The following TANGO6 variants were observed in gnomAD, a reference collection of about 807,000 sequenced individuals.
The protein encoded by TANGO6 is transport and Golgi organization protein 6 homolog.
TANGO6 carries 90 observed loss-of-function variants against 114.2 expected under a neutral mutation model. The observed-to-expected ratio is 0.79, with a 90% CI of 0.66 to 0.94. The LOEUF is 0.94. TANGO6 is among the 40% of genes least tolerant of loss of function. TANGO6 has a pLI of 0.00. For synonymous variants in TANGO6, 477 were observed against 509.8 expected (o/e 0.94, Z 0.87); for missense variants, 1,274 against 1,315.3 (o/e 0.97, Z 0.49).
intron 14 of TANGO6, among the ~76,000 whole-genome samples, chr16:68,970,420 C>A (rs976948620): frequency 1.3e-5 from 2 of 152,146 alleles, no homozygotes; most frequent in Non-Finnish European, 2.9e-5. Flanking sequence ...TTAATCCCAG[C>A]ACTTTGGGAG....
intron 17 of TANGO6, among the ~76,000 whole-genome samples, chr16:69,064,049 C>T (rs1012163037): frequency 6.6e-6 from 1 of 151,922 alleles, no homozygotes; most frequent in African/African-American, 2.4e-5. Context: ...GTTGGCCAGG[C>T]TGGTCTCAAA....
intron 14 of TANGO6, among the ~76,000 whole-genome samples, chr16:68,958,680 C>T (rs1469404219): frequency 6.6e-6 from 1 of 152,042 alleles, no homozygotes; most frequent in Non-Finnish European, 1.5e-5. Context: ...ACCTGTGATC[C>T]CAGCACTGTG....
At chr16:68,873,309 TTTTG>T (rs950399774) in intron 4 of TANGO6, among the ~76,000 whole-genome samples, 37 of 152,186 alleles carry the variant, frequency 2.4e-4, no homozygotes, top group Middle Eastern at 6.8e-3. Context: ...TATTCATGTT[TTTTG>T]TTTGTTTGTT....
intron 9 of TANGO6, among the ~76,000 whole-genome samples, chr16:68,907,164 G>A (rs1282797802): frequency 2.7e-5 from 4 of 147,760 alleles, no homozygotes; most frequent in African/African-American, 1.0e-4. Context: ...AGCCAGGATG[G>A]TTTTTGTCTC....
At chr16:68,870,407 C>G (rs1190219092) in intron 4 of TANGO6, among the ~76,000 whole-genome samples, 1 of 152,188 alleles carries the variant, frequency 6.6e-6, no homozygotes, top group Non-Finnish European at 1.5e-5. Flanking sequence ...TGCCTCCCCT[C>G]AGTTCTCCCC....
intron 4 of TANGO6, 100 bp downstream of exon 4, chr16:68,867,320 C>A: frequency 6.8e-7 from 1 of 1,472,936 alleles, no homozygotes; most frequent in Non-Finnish European, 9.3e-7. Flanking sequence ...TAAAACCTGA[C>A]TGAAACTAAA....
chr16:69,074,464 G>A (rs191928907), intron 17 of TANGO6, among the ~76,000 whole-genome samples: 8 of 152,158 alleles, frequency 5.3e-5, no homozygotes, highest in Middle Eastern at 3.4e-3. Flanking sequence ...GAAAGAGGAG[G>A]AACGTGTCCA....
intron 15 of TANGO6, among the ~76,000 whole-genome samples, chr16:68,992,100 C>T (rs1243932806): frequency 6.6e-6 from 1 of 151,882 alleles, no homozygotes; most frequent in Admixed American, 6.6e-5. Context: ...TATATGAAAT[C>T]GCTTATAAAT....
intron 11 of TANGO6, among the ~76,000 whole-genome samples, chr16:68,917,455 T>C (rs1963022031): frequency 6.6e-6 from 1 of 152,182 alleles, no homozygotes. Context: ...GGTGAAAGTA[T>C]GTTTAGTTTT....
In TANGO6 at chr16:68,902,500, A is replaced by G. The variant is rs745908855; in HGVS notation, c.1663A>G (p.Ile555Val). 1 of 1,609,244 alleles carries G rather than the reference A, an allele frequency of 6.2e-7. No homozygotes were observed. Among genetic ancestry groups the G allele is most frequent in the South Asian group, 1.1e-5 (1 of 90,184 alleles). ...GGIMITIKEA[I>V]SDEDEDEALY... Reference sequence around the variant, plus strand: ...CATTATGATTACCATCAAAGAGGCCATTAGGTGAGTCCACCCATCCGTTAC... The same window carrying G: ...CATTATGATTACCATCAAAGAGGCCGTTAGGTGAGTCCACCCATCCGTTAC... The change falls in exon 9 of 18, where the codon ATT (isoleucine) becomes GTT (valine). Residue 555 changes from isoleucine to valine, a missense_variant. Ile to Val is a conservative substitution (Grantham distance 29). Transcript: ENST00000261778.
chr16:68,907,474 AAG>A lies in TANGO6; in HGVS notation c.1700_1701del (p.Lys567SerfsTer4). 6.2e-7 allele frequency: 1 copy of A among 1,611,290 alleles called. No individual in the cohort carries two copies. The highest frequency in any genetic ancestry group is 8.5e-7 in the Non-Finnish European group (1 of 1,179,252). On this transcript the variant is annotated frameshift_variant, in exon 10 of 18. Coordinates refer to ENST00000261778, the MANE Select transcript of TANGO6 (RefSeq NM_024562.2). LOFTEE classifies it high-confidence loss of function. ...AGATGAAGATGAAGCCCTGTACCAG[AAG>A]GTATCCTCTGAGCAGGGCCGGGTGG... ...DEDEDEALYQ[K>X]VSSEQGRVEH...
At position 68,909,289 on chromosome 16, in the gene TANGO6, G is replaced by A; in HGVS notation, c.1879G>A (p.Glu627Lys). 2 of 1,611,452 alleles carry A rather than the reference G, an allele frequency of 1.2e-6. No homozygotes were observed. The highest frequency in any genetic ancestry group is 8.5e-7 in the Non-Finnish European group (1 of 1,178,690). ...CTCCAGCAAGAGCCTCTTGGAATTA[G>A]AGCAACATCAGACTCTTCTTGTGGA... ...PFSSKSLLEL[E>K]QHQTLLVEGQ... Residue 627 changes from glutamate (E) to lysine (K), a missense_variant, in exon 11 of 18, where the codon GAG (glutamate) becomes AAG (lysine). Physicochemically the swap from Glu to Lys is moderately conservative, Grantham distance 56. Coordinates refer to ENST00000261778, the MANE Select transcript of TANGO6 (RefSeq NM_024562.2).
chr16:68,925,986 G>A (rs1004226101), intron 12 of TANGO6, among the ~76,000 whole-genome samples: 21 of 149,044 alleles, frequency 1.4e-4, no homozygotes, highest in Admixed American at 9.4e-4. Flanking sequence ...TATTTATCTG[G>A]GTCTATTTCT....
intron 15 of TANGO6, among the ~76,000 whole-genome samples, chr16:69,002,073 C>T (rs1159235794): frequency 6.6e-6 from 1 of 152,126 alleles, no homozygotes; most frequent in Non-Finnish European, 1.5e-5. Flanking sequence ...GACCTGTCTA[C>T]TTACAATTCT....
chr16:69,004,703 T>C (rs1308556566), intron 15 of TANGO6, among the ~76,000 whole-genome samples: 1 of 152,194 alleles, frequency 6.6e-6, no homozygotes, highest in East Asian at 1.9e-4. Context: ...GGCTAAACTT[T>C]GTTTGCTAAT....
chr16:68,946,371 T>G (rs551670493), intron 14 of TANGO6, among the ~76,000 whole-genome samples: 1 of 152,198 alleles, frequency 6.6e-6, no homozygotes, highest in Non-Finnish European at 1.5e-5. Context: ...TTTTTGTATT[T>G]TTTAAGTAGA....
intron 15 of TANGO6, among the ~76,000 whole-genome samples, chr16:68,979,680 G>A (rs554696217): frequency 6.6e-6 from 1 of 152,172 alleles, no homozygotes; most frequent in African/African-American, 2.4e-5. Flanking sequence ...ATATATAAAG[G>A]AATGCTATCT....
chr16:68,892,595 A>C (rs1231441248), intron 7 of TANGO6, among the ~76,000 whole-genome samples: 3 of 150,590 alleles, frequency 2.0e-5, no homozygotes, highest in Admixed American at 6.6e-5. Flanking sequence ...GCTCACTGCA[A>C]CCTCCGCCTC....
chr16:68,921,034 C>T (rs1439970104), intron 12 of TANGO6, among the ~76,000 whole-genome samples: 8 of 136,190 alleles, frequency 5.9e-5, no homozygotes, highest in Non-Finnish European at 1.1e-4. Flanking sequence ...ACCTGGGAGG[C>T]GGAGGTTGCA....
Sources: allele counts gnomAD v4.1 joint callset (sites outside exome capture counted in the v4.1 genomes callset), GRCh38; gene constraint gnomAD v4.1.1; transcripts MANE v1.5; gene names NCBI Gene and HGNC (gene_info 2026-07-23, HGNC 2026-07-21).